CSMD1: variants seen among roughly 807,000 people sequenced by gnomAD.
CSMD1 encodes CUB and sushi domain-containing protein 1.
A neutral mutation model predicts 417.5 loss-of-function variants in CSMD1; 213 were observed. The observed-to-expected ratio is 0.51, with a 90% CI of 0.46 to 0.57. The LOEUF (loss-of-function observed/expected upper bound fraction) is 0.57. CSMD1 is among the 20% of genes least tolerant of loss of function. The pLI is 0.00. For missense variants in CSMD1, 6,923 were observed against 4,529.7 expected, an observed-to-expected ratio of 1.53 and a Z score of -15.17; for synonymous variants, 2,862 against 1,736.8, an observed-to-expected ratio of 1.65 and a Z score of -16.11.
intron 2 of CSMD1, among the ~76,000 whole-genome samples, chr8:4,525,000 C>T (rs1264846681): frequency 6.6e-6 from 1 of 152,012 alleles, no homozygotes; most frequent in Non-Finnish European, 1.5e-5. Context: ...TAGGTTTGTG[C>T]AAAATAATTG....
At chr8:3,380,943 C>T (rs1235870403) in intron 18 of CSMD1, among the ~76,000 whole-genome samples, 14 of 151,408 alleles carry the variant, frequency 9.2e-5, no homozygotes. Context: ...AAGTAAGTTA[C>T]CAATGCTCAA....
intron 10 of CSMD1, among the ~76,000 whole-genome samples, chr8:3,496,602 T>C (rs1796375555): frequency 6.6e-6 from 1 of 152,034 alleles, no homozygotes; most frequent in African/African-American, 2.4e-5. Flanking sequence ...CCGAGGAGGG[T>C]GGGTCATGAG....
chr8:4,387,733 A>G (rs553088561), intron 3 of CSMD1, among the ~76,000 whole-genome samples: 1 of 152,132 alleles, frequency 6.6e-6, no homozygotes, highest in African/African-American at 2.4e-5. Flanking sequence ...TAAAATAGAC[A>G]TATTTCTACA....
chr8:3,635,099 G>C (rs968768129), intron 7 of CSMD1, among the ~76,000 whole-genome samples: 4 of 152,088 alleles, frequency 2.6e-5, no homozygotes, highest in African/African-American at 9.7e-5. Flanking sequence ...AACAGAGCTT[G>C]TGGGCCTTGA....
intron 2 of CSMD1, among the ~76,000 whole-genome samples, chr8:4,576,559 G>A (rs371889162): frequency 1.2e-4 from 18 of 152,090 alleles, no homozygotes; most frequent in African/African-American, 3.6e-4. Flanking sequence ...TTTTTTGTTG[G>A]CAGGGGGTGG....
chr8:4,203,939 A>G (rs929324137), intron 3 of CSMD1, among the ~76,000 whole-genome samples: 4 of 152,028 alleles, frequency 2.6e-5, no homozygotes, highest in Non-Finnish European at 5.9e-5. Context: ...CATCTCTACA[A>G]AAAATACAAA....
At chr8:3,179,224 CG>C (rs1554453146) in intron 37 of CSMD1, among the ~76,000 whole-genome samples, 5 of 151,982 alleles carry the variant, frequency 3.3e-5, no homozygotes, top group Non-Finnish European at 5.9e-5. Flanking sequence ...GGATTACAGG[CG>C]TGAGCCACCG....
intron 3 of CSMD1, among the ~76,000 whole-genome samples, chr8:4,230,021 C>T (rs189844154): frequency 6.6e-6 from 1 of 152,152 alleles, no homozygotes; most frequent in Non-Finnish European, 1.5e-5. Context: ...TTTTGCTATT[C>T]AACATTTTAA....
At chr8:4,098,872 G>A (rs114695069) in intron 3 of CSMD1, among the ~76,000 whole-genome samples, 90 of 152,158 alleles carry the variant, frequency 5.9e-4, no homozygotes, top group Admixed American at 1.2e-3. Context: ...ATTTATTCCC[G>A]TCCAGAAAGC....
At chr8:3,800,694 T>A (rs1800407228) in intron 5 of CSMD1, among the ~76,000 whole-genome samples, 1 of 152,114 alleles carries the variant, frequency 6.6e-6, no homozygotes, top group Admixed American at 6.6e-5. Flanking sequence ...AGTGAGTGAG[T>A]TCTTGTTCTG....
rs143778859 is a variant in CSMD1, at chr8:4,486,907, A to G, written c.303-66842T>C. The stretch of plus-strand genomic sequence containing the variant: ...TAAAAAGCAAGAAGAAGGGGGAATT[A>G]GAATTTAATTAAAGCTTGTCAAGCA... On this transcript the variant is annotated intron_variant, in intron 2 of 69. Coordinates refer to ENST00000635120, the MANE Select transcript of CSMD1 (RefSeq NM_033225.6). Among the ~76,000 whole-genome samples the G allele has an allele frequency of 3.1e-3, 473 of 152,296 alleles. 6 individuals carry two copies. The highest frequency in any genetic ancestry group is 0.011 in the African/African-American group (446 of 41,560).
intron 9 of CSMD1, among the ~76,000 whole-genome samples, chr8:3,575,498 CAG>C (rs1800113993): frequency 6.6e-6 from 1 of 152,162 alleles, no homozygotes; most frequent in African/African-American, 2.4e-5. Context: ...GCAATTCAAC[CAG>C]AGTTACCATC....
intron 1 of CSMD1, among the ~76,000 whole-genome samples, chr8:4,936,947 A>G (rs1056733804): frequency 6.6e-6 from 1 of 152,128 alleles, no homozygotes; most frequent in African/African-American, 2.4e-5. Context: ...CTGGTGGCTC[A>G]TACCTATAAC....
intron 7 of CSMD1, among the ~76,000 whole-genome samples, chr8:3,629,815 C>CT (rs1563214114): frequency 3.9e-5 from 6 of 152,184 alleles, no homozygotes; most frequent in African/African-American, 1.2e-4. Context: ...AAAGACATAA[C>CT]TTCGGTCCGT....
At chr8:4,878,382 A>G (rs1433263341) in intron 1 of CSMD1, among the ~76,000 whole-genome samples, 1 of 152,132 alleles carries the variant, frequency 6.6e-6, no homozygotes. Flanking sequence ...AAACTATACC[A>G]TTAAATATAG....
chr8:3,288,582 T>C (rs1426496827), intron 25 of CSMD1, among the ~76,000 whole-genome samples: 1 of 147,514 alleles, frequency 6.8e-6, no homozygotes, highest in Non-Finnish European at 1.5e-5. Context: ...CTAGTTTATT[T>C]GCATAGAGGT....
intron 5 of CSMD1, among the ~76,000 whole-genome samples, chr8:3,968,440 C>A (rs909812042): frequency 6.6e-6 from 1 of 152,132 alleles, no homozygotes; most frequent in East Asian, 1.9e-4. Context: ...CACTCAGCAA[C>A]CCACACAATG....
intron 2 of CSMD1, among the ~76,000 whole-genome samples, chr8:4,572,111 T>C (rs1798922063): frequency 6.6e-6 from 1 of 152,244 alleles, no homozygotes; most frequent in Non-Finnish European, 1.5e-5. Context: ...ATTTAGCCCA[T>C]TTAAATTTAA....
chr8:4,922,799 G>A (rs937712634), intron 1 of CSMD1, among the ~76,000 whole-genome samples: 52 of 152,132 alleles, frequency 3.4e-4, no homozygotes, highest in African/African-American at 1.1e-3. Context: ...CCCAAGAAGT[G>A]TTTCCTTCTA....
Sources: allele counts gnomAD v4.1 joint callset (sites outside exome capture counted in the v4.1 genomes callset), GRCh38; gene constraint gnomAD v4.1.1; transcripts MANE v1.5; gene names NCBI Gene and HGNC (gene_info 2026-07-23, HGNC 2026-07-21).